SCN11A: variants seen among roughly 807,000 people sequenced by gnomAD.
SCN11A encodes sodium channel protein type 11 subunit alpha.
SCN11A carries 122 observed loss-of-function variants against 162.2 expected under a neutral mutation model. The observed-to-expected ratio is 0.75, with a 90% CI of 0.65 to 0.87. The LOEUF is 0.87. Among genes scored for constraint, SCN11A ranks in the 40% least tolerant of loss-of-function variants. The probability of loss-of-function intolerance (pLI) is 0.00; values close to 1 mark genes in which losing one functional copy is unlikely to be tolerated. For synonymous variants in SCN11A, 758 were observed against 751.5 expected, an observed-to-expected ratio of 1.01 and a Z score of -0.14; for missense variants, 2,015 against 2,181.6, an observed-to-expected ratio of 0.92 and a Z score of 1.52.
At chr3:38,870,667 G>C in intron 26 of SCN11A, 24 bp downstream of exon 26, 1 of 1,603,870 alleles carries the variant, frequency 6.2e-7, no homozygotes, top group Non-Finnish European at 8.5e-7. Context: ...TAACACTCCA[G>C]AACATGGTAG....
intron 11 of SCN11A, 141 bp downstream of exon 11, chr3:38,919,794 C>T (rs754999614): frequency 4.7e-5 from 31 of 665,202 alleles, no homozygotes; most frequent in Non-Finnish European, 6.8e-5. Flanking sequence ...TAACACAAGT[C>T]TAAACATGTT....
At chr3:39,025,015 A>G (rs1008335326) in intron 2 of SCN11A, among the ~76,000 whole-genome samples, 8 of 152,206 alleles carry the variant, frequency 5.3e-5, no homozygotes, top group African/African-American at 1.9e-4. Context: ...CAAACCCTCA[A>G]AGCGCCAAGT....
At chr3:38,917,637 G>A (rs1371811284) in intron 11 of SCN11A, among the ~76,000 whole-genome samples, 1 of 152,152 alleles carries the variant, frequency 6.6e-6, no homozygotes, top group Admixed American at 6.5e-5. Flanking sequence ...ACACACAGTG[G>A]AGAACAATAG....
chr3:38,980,067 G>A (rs1559563026), intron 2 of SCN11A, among the ~76,000 whole-genome samples: 1 of 152,156 alleles, frequency 6.6e-6, no homozygotes, highest in East Asian at 1.9e-4. Context: ...AGGGGACCAG[G>A]CAGAAGGAGA....
chr3:38,995,005 C>T (rs547495294), intron 2 of SCN11A, among the ~76,000 whole-genome samples: 1 of 152,246 alleles, frequency 6.6e-6, no homozygotes, highest in Admixed American at 6.5e-5. Flanking sequence ...ACCCTCCACC[C>T]TCAAAGATAC....
At chr3:38,904,724 C>T (rs2126125437) in intron 15 of SCN11A, among the ~76,000 whole-genome samples, 1 of 152,274 alleles carries the variant, frequency 6.6e-6, no homozygotes, top group Non-Finnish European at 1.5e-5. Context: ...GTCCTGTTAC[C>T]TGCTATTAAT....
At chr3:39,050,608 G>A (rs945989092) in intron 1 of SCN11A, among the ~76,000 whole-genome samples, 6 of 150,066 alleles carry the variant, frequency 4.0e-5, no homozygotes, top group African/African-American at 1.5e-4. Flanking sequence ...AGAAGTATTT[G>A]TCAAGACAAC....
chr3:39,037,992 C>T (rs1441527608), intron 1 of SCN11A, among the ~76,000 whole-genome samples: 10 of 152,050 alleles, frequency 6.6e-5, no homozygotes, highest in African/African-American at 9.7e-5. Context: ...CAGGACAAGC[C>T]TCCTAGCAAT....
intron 2 of SCN11A, among the ~76,000 whole-genome samples, chr3:38,974,737 G>GAAA (rs1329855577): frequency 3.1e-4 from 40 of 130,080 alleles, no homozygotes; most frequent in Non-Finnish European, 3.9e-4. Flanking sequence ...AAGAAAAGAA[G>GAAA]GCCTAATTCA....
chr3:38,894,635 A>G lies in SCN11A; in HGVS notation c.2733T>C (p.His911=), dbSNP rs2065558716. The stretch of plus-strand genomic sequence containing the variant: ...CAAGTGGTGCCAACCAAGTCCAATC[A>G]TGCCTGACGCCCAGGGTCTTTGGTA... The part of the protein sequence containing the change: ...TSVPKTLGVR[H]DWTWLAPLAE... Residue 911 remains histidine, a synonymous_variant, in exon 19 of 30, where the codon CAT becomes CAC. Coordinates refer to ENST00000302328, the MANE Select transcript of SCN11A (RefSeq NM_001349253.2). The G allele has an allele frequency of 1.9e-6, 3 of 1,614,160 alleles. No individual in the cohort carries two copies. Among genetic ancestry groups the G allele is most frequent in the South Asian group, 1.1e-5 (1 of 91,076 alleles).
chr3:38,848,403 G>A (rs532403883), intron 29 of SCN11A, among the ~76,000 whole-genome samples: 1 of 152,136 alleles, frequency 6.6e-6, no homozygotes, highest in East Asian at 1.9e-4. Context: ...TAGGGGTCAT[G>A]GGCAGTATTT....
chr3:38,932,506 T>C (rs996304155), intron 7 of SCN11A, among the ~76,000 whole-genome samples: 6 of 152,246 alleles, frequency 3.9e-5, no homozygotes, highest in Admixed American at 2.6e-4. Context: ...GAAAATCGGG[T>C]CACTCCCACC....
chr3:38,972,079 A>G (rs1474623430), intron 2 of SCN11A, among the ~76,000 whole-genome samples: 1 of 152,234 alleles, frequency 6.6e-6, no homozygotes. Flanking sequence ...ATGGCTGTTA[A>G]TGGTGAACTG....
At chr3:38,994,551 G>A (rs1478086224) in intron 2 of SCN11A, among the ~76,000 whole-genome samples, 1 of 152,094 alleles carries the variant, frequency 6.6e-6, no homozygotes, top group East Asian at 1.9e-4. Context: ...CCCTACTTCT[G>A]CCCTCATATC....
chr3:38,877,032 GTATATATATGGTGTATATA>G (rs2065220227), intron 23 of SCN11A, among the ~76,000 whole-genome samples: 1 of 43,310 alleles, frequency 2.3e-5, no homozygotes, highest in Non-Finnish European at 5.1e-5. Context: ...TATATATATG[GTATATATATGGTGTATATA>G]CTATATATAT....
At chr3:38,912,662 G>C (rs2065901698) in intron 11 of SCN11A, among the ~76,000 whole-genome samples, 1 of 151,990 alleles carries the variant, frequency 6.6e-6, no homozygotes, top group East Asian at 1.9e-4. Flanking sequence ...CCCAGTAGCT[G>C]TTGTTCTTTT....
intron 2 of SCN11A, among the ~76,000 whole-genome samples, chr3:39,002,972 TTG>T (rs2030861672): frequency 1.3e-5 from 2 of 152,328 alleles, no homozygotes; most frequent in Admixed American, 6.5e-5. Flanking sequence ...TTACAGTGCT[TTG>T]CCTACCCAAC....
rs781765118 is a variant in SCN11A at position 38,905,208 on chromosome 3, G to T, written c.1587C>A (p.Leu529=). ...RQRALSAVSI[L]TITMKEQEKS... is the part of the protein sequence containing the mutation. ...GGAACTTACCCTTCATGGTGATGGT[G>T]AGGATGCTGACAGCACTCAGTGCTC... Residue 529 remains leucine, a synonymous_variant, in exon 15 of 30, where the codon CTC becomes CTA. Coordinates refer to ENST00000302328, the MANE Select transcript of SCN11A (RefSeq NM_001349253.2). 1 of 1,614,072 alleles carries T rather than the reference G, an allele frequency of 6.2e-7. No individual in the cohort carries two copies. Among genetic ancestry groups the T allele is most frequent in the Admixed American group, 1.7e-5 (1 of 60,018 alleles).
At chr3:39,025,451 C>T (rs1336646782) in intron 2 of SCN11A, among the ~76,000 whole-genome samples, 1 of 152,190 alleles carries the variant, frequency 6.6e-6, no homozygotes, top group Non-Finnish European at 1.5e-5. Flanking sequence ...ATTGTTACTT[C>T]TTGATTATAT....
Sources: allele counts gnomAD v4.1 joint callset (sites outside exome capture counted in the v4.1 genomes callset), GRCh38; gene constraint gnomAD v4.1.1; transcripts MANE v1.5; gene names NCBI Gene and HGNC (gene_info 2026-07-23, HGNC 2026-07-21).